Variants in PDGFRB observed in about 807,000 individuals in gnomAD.
PDGFRB encodes the protein platelet derived growth factor receptor beta.
Under a neutral mutation model 120.2 loss-of-function variants are expected in PDGFRB, and 42 were observed. The ratio of observed to expected loss-of-function variants is 0.35; its 90% CI spans 0.27 to 0.45. The LOEUF is 0.45. Ranked by LOEUF, PDGFRB falls within the 20% of genes least tolerant of loss-of-function variation. PDGFRB has a pLI of 1.00. For missense variants in PDGFRB, 1,149 were observed against 1,476.3 expected (o/e 0.78, Z 3.63); for synonymous variants, 586 against 606.8 (o/e 0.97, Z 0.50).
Position 150,114,556 on chromosome 5 carries a change from A to T in PDGFRB, c.*1207T>A, listed in dbSNP as rs1759862555. The T allele has an allele frequency of 4.3e-6, 1 of 233,094 alleles. No homozygotes were observed. The allele number at this position is 233,094 out of a possible 1,614,324, so 14.4% of individuals were successfully genotyped here. A position where few individuals can be genotyped will look rare whatever the true frequency, so the allele number is the denominator to read the frequency against. On this transcript the variant is annotated 3_prime_UTR_variant, in exon 23 of 23. Coordinates refer to ENST00000261799, the MANE Select transcript of PDGFRB (RefSeq NM_002609.4). ...GGGCAGCTGCTGGGGGCTTTCCAGG[A>T]CACCGGCTGTCACTCTAAGTCAAGG...
rs1031127564 is a variant in PDGFRB, at chr5:150,131,496, C to T, written c.1243+483G>A. Among the ~76,000 whole-genome samples the T allele has an allele frequency of 7.2e-5, 11 of 152,216 alleles. No individual in the cohort carries two copies. The South Asian group carries it at 1.7e-3, about 23-fold the overall frequency. On this transcript the variant is annotated intron_variant, in intron 8 of 22. Coordinates refer to ENST00000261799, the MANE Select transcript of PDGFRB (RefSeq NM_002609.4). Reference sequence around the variant, plus strand: ...TGCCCAGCACTCTCAACCTTCCCTACCCGGCCCCTGTTTTTCCTCTCCCGC... The same window carrying T: ...TGCCCAGCACTCTCAACCTTCCCTATCCGGCCCCTGTTTTTCCTCTCCCGC...
Position 150,134,860 on chromosome 5 carries a change from T to A in PDGFRB, c.521A>T (p.Asp174Val). 1 of 1,614,226 alleles carries A rather than the reference T, an allele frequency of 6.2e-7. No individual in the cohort carries two copies. The highest frequency in any genetic ancestry group is 8.5e-7 in the Non-Finnish European group (1 of 1,180,046). The change falls in exon 4 of 23, where the codon GAT (aspartate) becomes GTT (valine). Residue 174 changes from aspartate to valine, a missense_variant. Asp to Val is a radical substitution (Grantham distance 152, BLOSUM62 -3). Around this residue, in one of 3 missense-constraint regions of PDGFRB, gnomAD observed 879 missense variants for 1,108.6 expected, o/e 0.79. Coordinates refer to ENST00000261799, the MANE Select transcript of PDGFRB (RefSeq NM_002609.4). ...GATACCAGAAAAGCCACGTTGGTGA[T>A]CATAGGGGACAGGCAGTGCAACGTC... ...KGDVALPVPYDHQRGFSGIFE... is the reference protein window; with the variant it reads ...KGDVALPVPYVHQRGFSGIFE...
chr5:150,125,327 G>T, intron 12 of PDGFRB, 118 bp downstream of exon 12: 1 of 808,228 alleles, frequency 1.2e-6, no homozygotes, highest in Non-Finnish European at 1.9e-6. Flanking sequence ...GCCAGAGAAG[G>T]CAAGACACCA....
intron 10 of PDGFRB, among the ~76,000 whole-genome samples, chr5:150,129,193 G>A (rs756200565): frequency 6.6e-6 from 1 of 152,216 alleles, no homozygotes; most frequent in Non-Finnish European, 1.5e-5. Context: ...AATTGTACAT[G>A]CATTGCTTGT....
Position 150,121,566 on chromosome 5 carries a change from C to A in PDGFRB, c.2345-244G>T, listed in dbSNP as rs1760135182. On this transcript the variant is annotated intron_variant, in intron 16 of 22. Transcript: ENST00000261799. The surrounding 1 kb of genome is among the most constrained non-coding windows in gnomAD (Gnocchi z 4.1). ...TTGCCCAGCCTGGCCTGCCTGCCTG[C>A]CTCTCAGGGACACTAGACCAGCCTG... Among the ~76,000 whole-genome samples, 1 of 152,094 alleles carries A rather than the reference C, an allele frequency of 6.6e-6. No homozygotes were observed. Among genetic ancestry groups the A allele is most frequent in the South Asian group, 2.1e-4 (1 of 4,824 alleles).
At chr5:150,118,547 C>T (rs532000935) in intron 21 of PDGFRB, among the ~76,000 whole-genome samples, 200 bp downstream of exon 21, 5 of 152,342 alleles carry the variant, frequency 3.3e-5, no homozygotes, top group African/African-American at 1.2e-4. Flanking sequence ...ATGTAGGATT[C>T]CATTTCATAA....
Position 150,122,003 on chromosome 5 carries a change from T to C in PDGFRB, c.2221A>G (p.Met741Val), listed in dbSNP as rs749301959. ...ACCGACTCGTCCTTGCTCATGTCCA[T>C]GTAGCCACCGTCGCTCTCCCCGGTC... is the stretch of plus-strand genomic sequence containing the variant. Reference protein sequence around the residue: ...SLTGESDGGYMDMSKDESVDY... With the variant: ...SLTGESDGGYVDMSKDESVDY... The change falls in exon 16 of 23, where the codon ATG (methionine) becomes GTG (valine). Residue 741 changes from methionine (M) to valine (V), a missense_variant. Met to Val is a conservative substitution (Grantham distance 21). Coordinates refer to ENST00000261799, the MANE Select transcript of PDGFRB (RefSeq NM_002609.4). The C allele has an allele frequency of 3.1e-6, 5 of 1,613,810 alleles. No individual in the cohort carries two copies. Among genetic ancestry groups the C allele is most frequent in the Non-Finnish European group, 4.2e-6 (5 of 1,179,900 alleles).
At position 150,118,840 on chromosome 5, in the gene PDGFRB, C is replaced by A. The variant is rs751229604; in HGVS notation, c.2811G>T (p.Met937Ile). 6.2e-7 allele frequency: 1 copy of A among 1,608,434 alleles called. No individual in the cohort carries two copies. The highest frequency in any genetic ancestry group is 8.5e-7 in the Non-Finnish European group (1 of 1,175,048). ...CAAACTTCTCTTCCCAGCACTTCTG[C>A]ATGATCTCATAGCTGGGGATAGGGA... ...AHASDEIYEIMQKCWEEKFEI... is the reference protein window; with the variant it reads ...AHASDEIYEIIQKCWEEKFEI... The change falls in exon 21 of 23, where the codon ATG becomes ATT. Residue 937 changes from methionine to isoleucine, a missense_variant. Physicochemically the swap from Met to Ile is conservative, Grantham distance 10. This residue lies in a region of PDGFRB where 202 missense variants were observed against 214.3 expected (regional missense o/e 0.94). Coordinates refer to ENST00000261799, the MANE Select transcript of PDGFRB (RefSeq NM_002609.4).
chr5:150,130,431 C>G, intron 9 of PDGFRB, 108 bp downstream of exon 9: 3 of 1,111,364 alleles, frequency 2.7e-6, no homozygotes, highest in South Asian at 2.8e-5. Flanking sequence ...GGATGCAACT[C>G]TATGCCCGGA....
At position 150,120,764 on chromosome 5, in the gene PDGFRB, G is replaced by C; in HGVS notation, c.2586+124C>G. 1 of 914,300 alleles carries C rather than the reference G, an allele frequency of 1.1e-6. No homozygotes were observed. Among genetic ancestry groups the C allele is most frequent in the East Asian group, 2.6e-5 (1 of 38,176 alleles). The allele number at this position is 914,300 out of a possible 1,614,324, so 56.6% of individuals were successfully genotyped here. A position where few individuals can be genotyped will look rare whatever the true frequency, so the allele number is the denominator to read the frequency against. ...CAGGCACAGCCCATCACTGCTGTCAGGGCAGGCCACAAGGAGCCCCACACA... is the reference window on the plus strand; with the variant it reads ...CAGGCACAGCCCATCACTGCTGTCACGGCAGGCCACAAGGAGCCCCACACA... On this transcript the variant is annotated intron_variant, in intron 18 of 22. Transcript: ENST00000261799. This position sits in a 1 kb window ranked among gnomAD's most constrained non-coding sequence, Gnocchi z 4.3.
At chr5:150,136,059 C>T (rs1014212668) in intron 2 of PDGFRB, among the ~76,000 whole-genome samples, 181 bp from the exon 3 acceptor site, 1 of 152,202 alleles carries the variant, frequency 6.6e-6, no homozygotes, top group Non-Finnish European at 1.5e-5. Context: ...GCTCCAAGGC[C>T]CCAGGGATTC....
chr5:150,127,962 A>G (rs1463262387), intron 10 of PDGFRB, among the ~76,000 whole-genome samples: 1 of 151,614 alleles, frequency 6.6e-6, no homozygotes, highest in Admixed American at 6.6e-5. Context: ...TCCCTCTCCA[A>G]CTTCGTCTCT....
Position 150,151,944 on chromosome 5 carries a change from A to AT in PDGFRB, c.-7+3452dup, listed in dbSNP as rs539474323. Among the ~76,000 whole-genome samples, 219 of 145,936 alleles carry AT rather than the reference A, an allele frequency of 1.5e-3. 2 individuals carry two copies. The highest frequency in any genetic ancestry group is 5.2e-3 in the African/African-American group (198 of 38,218). ...TGACGGTTTATTTATTTATTTATTT[A>AT]TTTTTTTTGAGACAGTCTTGCCCTG... On this transcript the variant is annotated intron_variant, in intron 1 of 22. Transcript: ENST00000261799.
rs141266144 is a variant in PDGFRB at position 150,132,551 on chromosome 5, C to T, written c.1127+199G>A. 2.3e-4 allele frequency among the ~76,000 whole-genome samples: 35 copies of T among 152,326 alleles called. No homozygotes were observed. In the East Asian group the frequency reaches 3.3e-3, roughly 14 times the overall value. ...CTAAACATCTGGGTGATCATCTGAC[C>T]GGCGACTGTTTCCTCCACTAGACTA... On this transcript the variant is annotated intron_variant, in intron 7 of 22. Coordinates refer to ENST00000261799, the MANE Select transcript of PDGFRB (RefSeq NM_002609.4). The surrounding 1 kb of genome is among the most constrained non-coding windows in gnomAD (Gnocchi z 5.0).
In PDGFRB at chr5:150,124,105, C is replaced by T. The variant is rs368469954; in HGVS notation, c.2023+145G>A. ...TTCTAAACCCCACCGCCCTCTGGGACCGCGCAGTGAGGGCGCTGGAGCGGG... is the reference window on the plus strand; with the variant it reads ...TTCTAAACCCCACCGCCCTCTGGGATCGCGCAGTGAGGGCGCTGGAGCGGG... On this transcript the variant is annotated intron_variant, in intron 14 of 22. Coordinates refer to ENST00000261799, the MANE Select transcript of PDGFRB (RefSeq NM_002609.4). The T allele has an allele frequency of 1.6e-5, 8 of 498,666 alleles. No individual in the cohort carries two copies. The East Asian group carries it at 2.3e-4, about 14-fold the overall frequency. The allele number at this position is 498,666 out of a possible 1,614,324, so 30.9% of individuals were successfully genotyped here. A position where few individuals can be genotyped will look rare whatever the true frequency, so the allele number is the denominator to read the frequency against.
chr5:150,122,088 C>G, intron 15 of PDGFRB, 48 bp from the exon 16 acceptor site: 1 of 1,473,294 alleles, frequency 6.8e-7, no homozygotes, highest in Non-Finnish European at 9.4e-7. Context: ...TTTGCCTTCC[C>G]CTCCCCTCCT....
At chr5:150,149,304 A>G (rs971294407) in intron 1 of PDGFRB, among the ~76,000 whole-genome samples, 8 of 152,242 alleles carry the variant, frequency 5.3e-5, no homozygotes, top group Non-Finnish European at 8.8e-5. Flanking sequence ...GACAAGCTAC[A>G]TAATTTGTGG....
At chr5:150,143,405 G>A (rs916658912) in intron 1 of PDGFRB, among the ~76,000 whole-genome samples, 3 of 152,154 alleles carry the variant, frequency 2.0e-5, no homozygotes, top group African/African-American at 7.2e-5. Context: ...GGCCCTCAGG[G>A]CTCCACTCTG....
At chr5:150,151,092 G>A (rs1261799213) in intron 1 of PDGFRB, among the ~76,000 whole-genome samples, 1 of 152,100 alleles carries the variant, frequency 6.6e-6, no homozygotes, top group Non-Finnish European at 1.5e-5. Context: ...AGTGGTCATC[G>A]ATCCTGACCT....
Sources: gnomAD v4.1 joint callset for allele counts (sites outside exome capture counted in the v4.1 genomes callset) on GRCh38, gnomAD v4.1.1 for gene constraint, gnomAD v4.1.1 regional missense constraint, Gnocchi (gnomAD v3.1) non-coding constraint, MANE v1.5 for transcripts, NCBI Gene and HGNC (gene_info 2026-07-23, HGNC 2026-07-21) for gene names.